The following RAD51B variants were observed in gnomAD, a reference collection of about 807,000 sequenced individuals.
The protein encoded by RAD51B is DNA repair protein RAD51 homolog 2.
A neutral mutation model predicts 42.2 loss-of-function variants in RAD51B; 38 were observed. That is an observed-to-expected ratio of 0.90 (90% CI 0.70 to 1.18). The LOEUF is 1.18. Among genes scored for constraint, RAD51B ranks in the 50% most tolerant of loss-of-function variants. RAD51B has a pLI of 0.00. For synonymous variants in RAD51B, 154 were observed against 145.2 expected (o/e 1.06, Z -0.43); for missense variants, 373 against 400.7 (o/e 0.93, Z 0.59).
At chr14:68,159,767 A>G (rs2078597758) in intron 7 of RAD51B, among the ~76,000 whole-genome samples, 2 of 152,104 alleles carry the variant, frequency 1.3e-5, no homozygotes, top group Admixed American at 1.3e-4. Context: ...GCGTTAATAT[A>G]TTACACTTTT....
intron 9 of RAD51B, among the ~76,000 whole-genome samples, chr14:68,429,934 T>A (rs988817790): frequency 1.3e-5 from 2 of 152,166 alleles, no homozygotes; most frequent in South Asian, 2.1e-4. Context: ...ACAAGGTGTA[T>A]GGAAGGGATC....
At chr14:68,354,988 C>T (rs546574432) in intron 8 of RAD51B, among the ~76,000 whole-genome samples, 11 of 152,148 alleles carry the variant, frequency 7.2e-5, no homozygotes, top group East Asian at 3.9e-4. Context: ...GGGTACTATC[C>T]GAGTACCTTC....
At chr14:67,965,802 T>C (rs2140239587) in intron 7 of RAD51B, among the ~76,000 whole-genome samples, 4 of 152,210 alleles carry the variant, frequency 2.6e-5, no homozygotes, top group African/African-American at 9.6e-5. Flanking sequence ...CTTGCTTGTA[T>C]AGAGGAACTG....
chr14:67,941,604 T>C (rs1376204217), intron 7 of RAD51B, among the ~76,000 whole-genome samples: 3 of 152,222 alleles, frequency 2.0e-5, no homozygotes, highest in South Asian at 2.1e-4. Flanking sequence ...AGAGCTAAAG[T>C]TGACTCTGAG....
At chr14:68,530,827 A>G (rs1887257205) in intron 10 of RAD51B, among the ~76,000 whole-genome samples, 1 of 152,162 alleles carries the variant, frequency 6.6e-6, no homozygotes, top group Non-Finnish European at 1.5e-5. Flanking sequence ...GGACACAGAA[A>G]TAAATAAGTT....
At chr14:68,070,803 T>C (rs1199128314) in intron 7 of RAD51B, among the ~76,000 whole-genome samples, 4 of 152,138 alleles carry the variant, frequency 2.6e-5, no homozygotes. Flanking sequence ...TTTTTTTTTT[T>C]TCTAATTATG....
rs548308918 is a variant in RAD51B at position 68,682,700 on chromosome 14, C to T, written c.*11+31844C>T. ...GCTCCCCTTCCCCCGCCCTCCCCGC[C>T]CCCCACGATCAGCTGGACATATGTT... On this transcript the variant is annotated intron_variant, in intron 11 of 11. Transcript: ENST00000488612. 2.0e-5 allele frequency among the ~76,000 whole-genome samples: 3 copies of T among 152,164 alleles called. No homozygotes were observed. The East Asian group carries it at 5.8e-4, about 29-fold the overall frequency.
chr14:68,559,895 A>T (rs965189154), intron 10 of RAD51B, among the ~76,000 whole-genome samples: 2 of 152,192 alleles, frequency 1.3e-5, no homozygotes, highest in African/African-American at 4.8e-5. Context: ...TGGGGTCCCC[A>T]GTGCTGAAGG....
intron 7 of RAD51B, among the ~76,000 whole-genome samples, chr14:68,235,977 TCTTA>T (rs1442044204): frequency 6.6e-6 from 1 of 152,146 alleles, no homozygotes; most frequent in East Asian, 1.9e-4. Flanking sequence ...AGCCATGTGT[TCTTA>T]CTTATAAGTG....
At chr14:68,045,236 CAAAAA>C (rs537073885) in intron 7 of RAD51B, among the ~76,000 whole-genome samples, 6 of 22,078 alleles carry the variant, frequency 2.7e-4, no homozygotes, top group African/African-American at 5.4e-4. Context: ...AACTCTGTCT[CAAAAA>C]AAAAAAAAAA....
chr14:68,595,098 A>G, exon 11 of RAD51B: 1 of 1,067,014 alleles, frequency 9.4e-7, no homozygotes, highest in Admixed American at 5.3e-5. Context: ...GCCTAGATGA[A>G]CCACAGCATT....
intron 10 of RAD51B, among the ~76,000 whole-genome samples, chr14:68,580,159 C>T (rs1451142436): frequency 6.6e-6 from 1 of 152,240 alleles, no homozygotes; most frequent in Non-Finnish European, 1.5e-5. Flanking sequence ...AGGGCCCGGG[C>T]TCCCGGTTCC....
At chr14:68,435,796 T>C (rs2085134630) in intron 9 of RAD51B, among the ~76,000 whole-genome samples, 1 of 152,222 alleles carries the variant, frequency 6.6e-6, no homozygotes, top group South Asian at 2.1e-4. Flanking sequence ...CATTTTTTCA[T>C]GTATTTGTTG....
At chr14:68,524,852 G>T (rs2140337216) in intron 10 of RAD51B, among the ~76,000 whole-genome samples, 1 of 152,348 alleles carries the variant, frequency 6.6e-6, no homozygotes, top group South Asian at 2.1e-4. Context: ...TCCAGCATGT[G>T]GCAGAGACCA....
intron 7 of RAD51B, among the ~76,000 whole-genome samples, chr14:67,927,511 T>A (rs1392590476): frequency 6.6e-6 from 1 of 152,160 alleles, no homozygotes; most frequent in Non-Finnish European, 1.5e-5. Flanking sequence ...TCCGAGTCTC[T>A]GGTTATCTGT....
Position 67,891,483 on chromosome 14 carries a change from A to T in RAD51B, c.756+4279A>T, listed in dbSNP as rs114488407. ...AAATGAATCAAAATATGTGCATTTT[A>T]AATTTTGCTATTTTAAAGACAGTTT... is the stretch of plus-strand genomic sequence containing the variant. On this transcript the variant is annotated intron_variant, in intron 7 of 10. Coordinates refer to ENST00000471583, the MANE Select transcript of RAD51B (RefSeq NM_133510.4). Among the ~76,000 whole-genome samples the T allele has an allele frequency of 8.9e-3, 1,361 of 152,204 alleles. 22 individuals are homozygous for T. The highest frequency in any genetic ancestry group is 0.031 in the African/African-American group (1,282 of 41,552).
chr14:67,879,810 T>C (rs1198954482), intron 5 of RAD51B, among the ~76,000 whole-genome samples: 1 of 152,212 alleles, frequency 6.6e-6, no homozygotes, highest in East Asian at 1.9e-4. Flanking sequence ...ATACTGGTTA[T>C]AGTTGGAAAG....
chr14:68,120,758 C>T (rs1036477446), intron 7 of RAD51B, among the ~76,000 whole-genome samples: 1 of 152,198 alleles, frequency 6.6e-6, no homozygotes, highest in Middle Eastern at 3.4e-3. Context: ...GTCTGCTATC[C>T]TCCCAACTCT....
chr14:68,614,728 A>G (rs1448649609), downstream of RAD51B, among the ~76,000 whole-genome samples: 2 of 152,266 alleles, frequency 1.3e-5, no homozygotes, highest in African/African-American at 4.8e-5. Context: ...ATTCCATGGT[A>G]TGGATAAACC....
Sources: allele counts gnomAD v4.1 joint callset (sites outside exome capture counted in the v4.1 genomes callset), GRCh38; gene constraint gnomAD v4.1.1; transcripts MANE v1.5; gene names NCBI Gene and HGNC (gene_info 2026-07-23, HGNC 2026-07-21).